Variants in PEPD observed in about 807,000 individuals in gnomAD.
PEPD encodes peptidase D.
In PEPD, 53 loss-of-function variants were observed where a neutral mutation model predicts 60.7. That is an observed-to-expected ratio of 0.87 (90% CI 0.70 to 1.10). The LOEUF is 1.10. Ranked by LOEUF, PEPD falls within the 50% of genes least tolerant of loss-of-function variation. The pLI is 0.00. For synonymous variants in PEPD, 267 were observed against 284.1 expected (o/e 0.94, Z 0.60); for missense variants, 711 against 711.9 (o/e 1.00, Z 0.01).
At chr19:33,494,817 C>T (rs990655968) in intron 4 of PEPD, among the ~76,000 whole-genome samples, 7 of 152,328 alleles carry the variant, frequency 4.6e-5, no homozygotes, top group African/African-American at 1.7e-4. Context: ...AGATTTGAAC[C>T]TATGGCTGTA....
At chr19:33,431,766 G>A (rs888374942) in intron 9 of PEPD, among the ~76,000 whole-genome samples, 3 of 152,102 alleles carry the variant, frequency 2.0e-5, no homozygotes, top group South Asian at 4.1e-4. Flanking sequence ...GCTGAGGCAG[G>A]TGGATCACCT....
intron 9 of PEPD, among the ~76,000 whole-genome samples, chr19:33,435,386 C>A (rs552980273): frequency 6.6e-6 from 1 of 152,228 alleles, no homozygotes; most frequent in South Asian, 2.1e-4. Context: ...AAGCTGGAGG[C>A]CCGGCTGAGG....
intron 10 of PEPD, among the ~76,000 whole-genome samples, chr19:33,412,293 G>A (rs1968795678): frequency 6.6e-6 from 1 of 152,162 alleles, no homozygotes; most frequent in Admixed American, 6.5e-5. Flanking sequence ...ACTGCAATGA[G>A]CTATGATCAT....
At chr19:33,491,761 G>C in intron 5 of PEPD, among the ~76,000 whole-genome samples, 1 of 152,268 alleles carries the variant, frequency 6.6e-6, no homozygotes, top group East Asian at 1.9e-4. Flanking sequence ...GTGGAATGCT[G>C]AGAAAGGTAA....
intron 6 of PEPD, chr19:33,487,453 G>C (rs1352293271): frequency 6.6e-6 from 1 of 152,334 alleles, no homozygotes; most frequent in African/African-American, 2.4e-5. Context: ...CCCCTGCAGG[G>C]GACAAGGAAG....
At chr19:33,434,847 C>T (rs573251318) in intron 9 of PEPD, among the ~76,000 whole-genome samples, 13 of 147,386 alleles carry the variant, frequency 8.8e-5, no homozygotes, top group South Asian at 4.6e-4. Context: ...CAGCCCTCCT[C>T]GGTCCCTGAC....
At chr19:33,392,150 G>A (rs1968237810) in intron 12 of PEPD, among the ~76,000 whole-genome samples, 1 of 143,170 alleles carries the variant, frequency 7.0e-6, no homozygotes, top group African/African-American at 2.8e-5. Context: ...CATCTCCAGG[G>A]GAGCCAGATG....
chr19:33,452,955 G>A (rs1322573676), intron 9 of PEPD, among the ~76,000 whole-genome samples: 1 of 152,134 alleles, frequency 6.6e-6, no homozygotes, highest in Non-Finnish European at 1.5e-5. Flanking sequence ...TCAAAATATG[G>A]CTAAGAGAGT....
intron 3 of PEPD, among the ~76,000 whole-genome samples, chr19:33,503,326 G>A (rs185508912): frequency 1.7e-3 from 254 of 152,242 alleles, no homozygotes; most frequent in Non-Finnish European, 3.2e-3. Context: ...CTCCCTTTTG[G>A]CTTCTCTGAA....
chr19:33,471,364 G>C (rs1251029101), intron 7 of PEPD, among the ~76,000 whole-genome samples: 1 of 152,172 alleles, frequency 6.6e-6, no homozygotes, highest in Non-Finnish European at 1.5e-5. Context: ...ACCAGAAACT[G>C]TTTTTAAGAT....
intron 9 of PEPD, among the ~76,000 whole-genome samples, chr19:33,453,542 T>C (rs1969739487): frequency 6.6e-6 from 1 of 152,240 alleles, no homozygotes; most frequent in Admixed American, 6.5e-5. Context: ...GTCAGCATTT[T>C]TTAGCAATAA....
At chr19:33,514,556 C>G (rs536047493) in intron 1 of PEPD, among the ~76,000 whole-genome samples, 2 of 152,008 alleles carry the variant, frequency 1.3e-5, no homozygotes, top group Middle Eastern at 3.4e-3. Flanking sequence ...CCAGATACAC[C>G]CCCCTGCACT....
intron 9 of PEPD, among the ~76,000 whole-genome samples, chr19:33,429,198 G>A (rs1969219054): frequency 6.6e-6 from 1 of 152,172 alleles, no homozygotes; most frequent in South Asian, 2.1e-4. Context: ...CCTGCTGGAG[G>A]AGAGCCACTG....
At chr19:33,403,151 G>A (rs1235574382) in intron 11 of PEPD, among the ~76,000 whole-genome samples, 1 of 152,190 alleles carries the variant, frequency 6.6e-6, no homozygotes, top group Non-Finnish European at 1.5e-5. Flanking sequence ...GGGCGCAGGT[G>A]GTGCCCCTTT....
At chr19:33,481,293 G>A (rs932519788) in intron 6 of PEPD, among the ~76,000 whole-genome samples, 10 of 152,188 alleles carry the variant, frequency 6.6e-5, no homozygotes, top group East Asian at 3.8e-4. Flanking sequence ...TAGGCTGGGC[G>A]CAGTGGCTCA....
chr19:33,403,876 G>A (rs1466656927), intron 11 of PEPD, among the ~76,000 whole-genome samples: 2 of 152,248 alleles, frequency 1.3e-5, no homozygotes, highest in African/African-American at 4.8e-5. Flanking sequence ...GAGCTTTGGG[G>A]TGGGTCAGAG....
chr19:33,478,634 A>G (rs1470257326), intron 6 of PEPD, among the ~76,000 whole-genome samples: 1 of 152,150 alleles, frequency 6.6e-6, no homozygotes, highest in Non-Finnish European at 1.5e-5. Context: ...TTCTCATCAA[A>G]ACCTATGGTG....
chr19:33,489,303 C>T (rs760585940), intron 6 of PEPD, among the ~76,000 whole-genome samples: 6 of 152,178 alleles, frequency 3.9e-5, no homozygotes, highest in Non-Finnish European at 7.4e-5. Flanking sequence ...TGCTGAGAGC[C>T]GGGTTGGAAG....
rs555507575 is a variant in PEPD at position 33,518,212 on chromosome 19, G to A, written c.17+3532C>T. Reference sequence around the variant, plus strand: ...ACCTTGCACCTCTGTCTCCTGGGGCGGATAGGGGTGCCAAGCATACACAGA... The same window carrying A: ...ACCTTGCACCTCTGTCTCCTGGGGCAGATAGGGGTGCCAAGCATACACAGA... On this transcript the variant is annotated intron_variant, in intron 1 of 14. Coordinates refer to ENST00000244137, the MANE Select transcript of PEPD (RefSeq NM_000285.4). 1.8e-3 allele frequency among the ~76,000 whole-genome samples: 267 copies of A among 152,270 alleles called. 2 individuals are homozygous for A. The highest frequency in any genetic ancestry group is 6.2e-3 in the African/African-American group (259 of 41,572).
Sources: allele counts gnomAD v4.1 joint callset (sites outside exome capture counted in the v4.1 genomes callset), GRCh38; gene constraint gnomAD v4.1.1; transcripts MANE v1.5; gene names NCBI Gene and HGNC (gene_info 2026-07-23, HGNC 2026-07-21).